The following LRWD1 variants were observed in gnomAD, a reference collection of about 807,000 sequenced individuals.
LRWD1 encodes the protein leucine rich repeats and WD repeat domain containing 1, also known as leucine-rich repeat and WD repeat-containing protein 1.
Under a neutral mutation model 75.6 loss-of-function variants are expected in LRWD1, and 76 were observed. That is an observed-to-expected ratio of 1.01 (90% CI 0.84 to 1.22). The LOEUF is 1.22. LRWD1 is among the 50% of genes most tolerant of loss of function. The probability of loss-of-function intolerance (pLI) is 0.00; values close to 1 mark genes in which losing one functional copy is unlikely to be tolerated. For synonymous variants in LRWD1, 487 were observed against 377.0 expected (o/e 1.29, Z -3.38); for missense variants, 917 against 862.0 (o/e 1.06, Z -0.80).
At position 102,466,173 on chromosome 7, in the gene LRWD1, T is replaced by G; in HGVS notation, c.335T>G (p.Val112Gly). ...CCCCAGGTCAATGACAACCTGAAAG[T>G]CTCCTTTCTCCTGCCCACGCTCCGT... The part of the protein sequence containing the change: ...PFLTVNDNLK[V>G]SFLLPTLRKV... The change falls in exon 3 of 15, where the codon GTC becomes GGC. Residue 112 changes from valine to glycine, a missense_variant. By Grantham distance (109) the Val-to-Gly change is moderately radical. Transcript: ENST00000292616. 1.2e-6 allele frequency: 2 copies of G among 1,614,024 alleles called. No individual in the cohort carries two copies. Among genetic ancestry groups the G allele is most frequent in the Non-Finnish European group, 1.7e-6 (2 of 1,179,992 alleles).
chr7:102,466,804 A>G (rs149451324), intron 3 of LRWD1, among the ~76,000 whole-genome samples: 6,503 of 109,138 alleles, frequency 0.06, 276 homozygotes, highest in Non-Finnish European at 0.067. Flanking sequence ...TTTTAGAGAC[A>G]GGGTCTCGCT....
At chr7:102,469,672 G>A in intron 10 of LRWD1, 26 bp downstream of exon 10, 1 of 1,614,108 alleles carries the variant, frequency 6.2e-7, no homozygotes, top group Non-Finnish European at 8.5e-7. Context: ...AGGCTGGGGA[G>A]TGGCCAGCTG....
chr7:102,472,165 G>A (rs1429935153), intron 11 of LRWD1, 53 bp from the exon 12 acceptor site: 4 of 1,513,216 alleles, frequency 2.6e-6, no homozygotes, highest in Non-Finnish European at 3.6e-6. Flanking sequence ...GGGTGAGTGG[G>A]CAGCTCTCTA....
Position 102,468,355 on chromosome 7 carries a change from C to A in LRWD1, c.897C>A (p.Ala299=). Residue 299 remains alanine, a synonymous_variant, in exon 7 of 15, where the codon GCC becomes GCA. Transcript: ENST00000292616. ...QDLETQLWAC[A]FEPAWEEGAT... is the part of the protein sequence containing the mutation. ...TCGAGACCCAGCTGTGGGCCTGTGC[C>A]TTCGAGCCGGCCTGGGAGGAGGGTA... The A allele has an allele frequency of 1.2e-6, 2 of 1,610,210 alleles. No homozygotes were observed. The highest frequency in any genetic ancestry group is 8.5e-7 in the Non-Finnish European group (1 of 1,178,710).
Position 102,472,246 on chromosome 7 carries a change from G to A in LRWD1, c.1471G>A (p.Glu491Lys), listed in dbSNP as rs561603036. 2.3e-5 allele frequency: 37 copies of A among 1,596,518 alleles called. No homozygotes were observed. In the South Asian group the frequency reaches 4.1e-4, roughly 18 times the overall value. The change falls in exon 12 of 15, where the codon GAG becomes AAG. Residue 491 changes from glutamate (E) to lysine (K), a missense_variant. Coordinates refer to ENST00000292616, the MANE Select transcript of LRWD1 (RefSeq NM_152892.3). Reference sequence around the variant, plus strand: ...GTGTGAAGTGGAATTCGTCTTCTCTGAGGGCTCCGAGGCATCTGGACGGAG... The same window carrying A: ...GTGTGAAGTGGAATTCGTCTTCTCTAAGGGCTCCGAGGCATCTGGACGGAG... Reference protein sequence around the residue: ...RVCEVEFVFSEGSEASGRRVD... With the variant: ...RVCEVEFVFSKGSEASGRRVD...
chr7:102,472,629 C>G lies in LRWD1; in HGVS notation c.1690+20C>G, dbSNP rs201285161. 131 of 1,609,768 alleles carry G rather than the reference C, an allele frequency of 8.1e-5. No individual in the cohort carries two copies. The African/African-American group carries it at 1.5e-3, about 19-fold the overall frequency. ...GCCCTGGTGAGCCTGCCCCCCTGCC[C>G]GCCCCATCCCGCGGGCTTCCGGGAG... On this transcript the variant is annotated intron_variant, in intron 13 of 14. Coordinates refer to ENST00000292616, the MANE Select transcript of LRWD1 (RefSeq NM_152892.3).
At position 102,468,872 on chromosome 7, in the gene LRWD1, C is replaced by G. The variant is rs1798097966; in HGVS notation, c.1038C>G (p.Ala346=). The G allele has an allele frequency of 6.2e-7, 1 of 1,611,994 alleles. No homozygotes were observed. The highest frequency in any genetic ancestry group is 1.7e-5 in the Admixed American group (1 of 59,988). Residue 346 remains alanine, a synonymous_variant, in exon 9 of 15, where the codon GCC becomes GCG. Transcript: ENST00000292616. ...KAPGEEFFSV[A]WTALMVVTQA... ...CCGCCCAGGAGTTCTTTTCTGTGGC[C>G]TGGACCGCTCTGATGGTGGTCACAC...
Position 102,467,139 on chromosome 7 carries a change from AGGCACC to A in LRWD1, c.433-199_433-194del, listed in dbSNP as rs1563654057. Among the ~76,000 whole-genome samples, 74 of 45,952 alleles carry A rather than the reference AGGCACC, an allele frequency of 1.6e-3. 4 individuals are homozygous for A. In the East Asian group the frequency reaches 0.035, roughly 22 times the overall value. 30.1% of individuals were successfully genotyped at this position (45,952 alleles called of 152,430 possible). A position where few individuals can be genotyped will look rare whatever the true frequency, so the allele number is the denominator to read the frequency against. On this transcript the variant is annotated intron_variant, in intron 3 of 14. Transcript: ENST00000292616. ...CTGGGGTGTGTGTGTGTGTGTGTGT[AGGCACC>A]TGGGTTGTTGCTGGGGTGTGTGTGG...
rs1455215658 is a variant in LRWD1 at position 102,468,387 on chromosome 7, G to A, written c.919+10G>A. ...CCGGCCTGGGAGGAGGGTACATGGT[G>A]GCGGGCAGGCGGGGCAAGGGCCGCT... On this transcript the variant is annotated intron_variant, in intron 7 of 14. Coordinates refer to ENST00000292616, the MANE Select transcript of LRWD1 (RefSeq NM_152892.3). 6.3e-7 allele frequency: 1 copy of A among 1,591,528 alleles called. No individual in the cohort carries two copies. The highest frequency in any genetic ancestry group is 1.3e-5 in the African/African-American group (1 of 74,742).
rs756888389 is a variant in LRWD1 at position 102,468,966 on chromosome 7, C to T, written c.1132C>T (p.His378Tyr). The change falls in exon 9 of 15, where the codon CAC becomes TAC. Residue 378 changes from histidine to tyrosine, a missense_variant. His to Tyr is a moderately conservative substitution (Grantham distance 83, BLOSUM62 2). Transcript: ENST00000292616. ...CCTACGGGGCCTGGTCCGGCTGCTG[C>T]ACGTGCGTGCCGGCTTCTGCTGCGG... Reference protein sequence around the residue: ...AGLRGLVRLLHVRAGFCCGVI... With the variant: ...AGLRGLVRLLYVRAGFCCGVI... 26 of 1,612,608 alleles carry T rather than the reference C, an allele frequency of 1.6e-5. No individual in the cohort carries two copies. In the South Asian group the frequency reaches 2.6e-4, roughly 16 times the overall value.
In LRWD1 at chr7:102,467,313, C is replaced by CCTGGAT. The variant is rs781646939; in HGVS notation, c.433-21_433-16dup. 15 of 1,579,434 alleles carry CCTGGAT rather than the reference C, an allele frequency of 9.5e-6. No individual in the cohort carries two copies. The Admixed American group carries it at 2.6e-4, about 27-fold the overall frequency. Reference sequence around the variant, plus strand: ...TCCGGAGGAGCTGGGGTGGGCCGGGCCTGGATCTGGTCCCTCTTGCACCAG... The same window carrying CCTGGAT: ...TCCGGAGGAGCTGGGGTGGGCCGGGCCTGGATCTGGATCTGGTCCCTCTTGCACCAG... On this transcript the variant is annotated intron_variant, in intron 3 of 14. Transcript: ENST00000292616.
Position 102,468,054 on chromosome 7 carries a change from C to T in LRWD1, c.679-8C>T. On this transcript the variant is annotated splice_region_variant and splice_polypyrimidine_tract_variant and intron_variant, in intron 5 of 14. Transcript: ENST00000292616. ...GACAGGCCCATGGTCACAAGGCCCC[C>T]TCCACAGGCCAGACTGGCGGCCTTG... The T allele has an allele frequency of 1.2e-6, 2 of 1,606,090 alleles. No individual in the cohort carries two copies. Among genetic ancestry groups the T allele is most frequent in the Non-Finnish European group, 1.7e-6 (2 of 1,178,940 alleles).
intron 3 of LRWD1, among the ~76,000 whole-genome samples, chr7:102,466,497 C>T (rs1797982627): frequency 6.6e-6 from 1 of 152,166 alleles, no homozygotes; most frequent in Non-Finnish European, 1.5e-5. Context: ...TCATTGCAAC[C>T]TCTGCCTCCC....
rs769341585 is a variant in LRWD1, at chr7:102,469,758, G to A, written c.1318G>A (p.Asp440Asn). 52 of 1,609,264 alleles carry A rather than the reference G, an allele frequency of 3.2e-5. No homozygotes were observed. The highest frequency in any genetic ancestry group is 1.1e-5 in the South Asian group (1 of 90,682). Residue 440 changes from aspartate (D) to asparagine (N), a missense_variant, in exon 11 of 15, where the codon GAC becomes AAC. Asp to Asn is a conservative substitution (Grantham distance 23, BLOSUM62 1). Transcript: ENST00000292616. ...EFQASQLLTL[D>N]TTSIPLRLCP... ...CACTGGCAGCCAGCTGCTCACACTG[G>A]ACACCACCTCTATCCCCCTGCGCCT...
chr7:102,467,118 GGTGTGTGTGT>G (rs60020010), intron 3 of LRWD1, among the ~76,000 whole-genome samples: 3 of 114,446 alleles, frequency 2.6e-5, no homozygotes, highest in African/African-American at 7.2e-5. Context: ...TTGTTGCTGG[GGTGTGTGTGT>G]GTGTGTGTGT....
intron 11 of LRWD1, 74 bp from the exon 12 acceptor site, chr7:102,472,144 T>C (rs1798212500): frequency 1.5e-6 from 2 of 1,371,820 alleles, no homozygotes; most frequent in African/African-American, 2.9e-5. Context: ...GCAGGTGCGC[T>C]GCAGATGCCT....
Position 102,469,071 on chromosome 7 carries a change from C to CA in LRWD1, c.1228+9_1228+10insA, listed in dbSNP as rs1563656135. On this transcript the variant is annotated intron_variant, in intron 9 of 14. Coordinates refer to ENST00000292616, the MANE Select transcript of LRWD1 (RefSeq NM_152892.3). ...CGAGACCCATCTCTTCAGTAAGCCC[C>CA]TCCCCTTCACCCCTGGGACCCCCAA... is the stretch of plus-strand genomic sequence containing the variant. 3.1e-6 allele frequency: 5 copies of CA among 1,588,066 alleles called. No homozygotes were observed. Among genetic ancestry groups the CA allele is most frequent in the Non-Finnish European group, 4.3e-6 (5 of 1,166,236 alleles).
intron 7 of LRWD1, 45 bp downstream of exon 7, chr7:102,468,422 G>A: frequency 1.9e-6 from 3 of 1,555,934 alleles, no homozygotes; most frequent in South Asian, 1.2e-5. Context: ...TGGAAATAGG[G>A]CCGCCTGGAT....
chr7:102,466,760 C>G (rs1313763505), intron 3 of LRWD1, among the ~76,000 whole-genome samples: 2 of 53,074 alleles, frequency 3.8e-5, no homozygotes, highest in South Asian at 1.6e-3. Flanking sequence ...TCTTTTTTAC[C>G]TTTTTTTTTT....
Sources: allele counts gnomAD v4.1 joint callset (sites outside exome capture counted in the v4.1 genomes callset), GRCh38; gene constraint gnomAD v4.1.1; transcripts MANE v1.5; gene names NCBI Gene and HGNC (gene_info 2026-07-23, HGNC 2026-07-21).